TRAPPC9: variants seen among roughly 807,000 people sequenced by gnomAD.
TRAPPC9 encodes the protein trafficking protein particle complex subunit 9.
A neutral mutation model predicts 124.0 loss-of-function variants in TRAPPC9; 83 were observed. The observed-to-expected ratio is 0.67, with a 90% CI of 0.56 to 0.80. The LOEUF (loss-of-function observed/expected upper bound fraction) is 0.80, where lower values mean the gene tolerates loss of function less well. TRAPPC9 is among the 30% of genes least tolerant of loss of function. The pLI, the probability that TRAPPC9 is intolerant of heterozygous loss-of-function variation, is 0.00. For missense variants in TRAPPC9, 1,302 were observed against 1,508.3 expected, an observed-to-expected ratio of 0.86 and a Z score of 2.27; for synonymous variants, 638 against 617.5, an observed-to-expected ratio of 1.03 and a Z score of -0.49.
chr8:140,363,056 G>A (rs1055171743), intron 8 of TRAPPC9, among the ~76,000 whole-genome samples: 1 of 152,184 alleles, frequency 6.6e-6, no homozygotes, highest in African/African-American at 2.4e-5. Context: ...CAATACTCTT[G>A]TAATCAAAAA....
chr8:139,878,621 A>G (rs547873459), intron 21 of TRAPPC9, among the ~76,000 whole-genome samples: 1 of 152,136 alleles, frequency 6.6e-6, no homozygotes, highest in Admixed American at 6.5e-5. Context: ...ATAACAACCT[A>G]AAGACCTCAC....
chr8:139,962,804 G>A, intron 19 of TRAPPC9, among the ~76,000 whole-genome samples: 1 of 80,858 alleles, frequency 1.2e-5, no homozygotes, highest in Admixed American at 1.4e-4. Context: ...TCCTTATAAT[G>A]GAGAGAGGGA....
At chr8:140,222,853 C>A (rs577279608) in intron 16 of TRAPPC9, among the ~76,000 whole-genome samples, 1 of 152,248 alleles carries the variant, frequency 6.6e-6, no homozygotes, top group African/African-American at 2.4e-5. Flanking sequence ...GAACAAACCA[C>A]CAGAGGCAAC....
At chr8:140,195,884 CATACA>C (rs2062647759) in intron 17 of TRAPPC9, among the ~76,000 whole-genome samples, 1 of 148,668 alleles carries the variant, frequency 6.7e-6, no homozygotes, top group African/African-American at 2.5e-5. Context: ...AACGATCCAC[CATACA>C]GATCACATCT....
chr8:140,455,676 G>A (rs184442785), intron 1 of TRAPPC9, among the ~76,000 whole-genome samples: 356 of 152,104 alleles, frequency 2.3e-3, no homozygotes, highest in Middle Eastern at 6.8e-3. Flanking sequence ...TGATCTGCCC[G>A]CCTCGGCCTC....
At chr8:140,140,667 A>G (rs1254772162) in intron 17 of TRAPPC9, among the ~76,000 whole-genome samples, 1 of 152,102 alleles carries the variant, frequency 6.6e-6, no homozygotes, top group Non-Finnish European at 1.5e-5. Flanking sequence ...ATCTTGCCAC[A>G]TTACCCACAT....
chr8:139,899,356 A>C (rs980452081), intron 20 of TRAPPC9, among the ~76,000 whole-genome samples: 11 of 152,194 alleles, frequency 7.2e-5, no homozygotes, highest in Admixed American at 5.9e-4. Flanking sequence ...TATGTATTAC[A>C]TACTATATTA....
chr8:139,877,883 G>C (rs1417785051), intron 21 of TRAPPC9, among the ~76,000 whole-genome samples: 1 of 152,182 alleles, frequency 6.6e-6, no homozygotes, highest in African/African-American at 2.4e-5. Context: ...CACCACGAGG[G>C]TGCAGCGGAG....
chr8:140,087,042 TC>T lies in TRAPPC9; in HGVS notation c.2557-62964del, dbSNP rs944923986. Among the ~76,000 whole-genome samples, 2 of 152,110 alleles carry T rather than the reference TC, an allele frequency of 1.3e-5. No homozygotes were observed. Among genetic ancestry groups the T allele is most frequent in the African/African-American group, 2.4e-5 (1 of 41,416 alleles). The stretch of plus-strand genomic sequence containing the variant: ...GCAAGCACTGCCTGCTCGGGCTGGC[TC>T]TACTTCTTGCCACCGTCAGCCTGCC... On this transcript the variant is annotated intron_variant, in intron 17 of 22. Coordinates refer to ENST00000438773, the MANE Select transcript of TRAPPC9 (RefSeq NM_001160372.4). The surrounding 1 kb of genome is among the most constrained non-coding windows in gnomAD (Gnocchi z 4.6).
intron 21 of TRAPPC9, among the ~76,000 whole-genome samples, chr8:139,764,631 G>A (rs1820463649): frequency 6.6e-6 from 1 of 152,166 alleles, no homozygotes; most frequent in African/African-American, 2.4e-5. Context: ...TTCAGAGCAT[G>A]CCTGTGTTCA....
intron 21 of TRAPPC9, among the ~76,000 whole-genome samples, chr8:139,822,522 G>A (rs1050483619): frequency 2.0e-5 from 3 of 152,138 alleles, no homozygotes; most frequent in Non-Finnish European, 4.4e-5. Context: ...CCTATTGTGC[G>A]GTTGAAAAGA....
chr8:140,178,207 C>T (rs1462616877), intron 17 of TRAPPC9, among the ~76,000 whole-genome samples: 1 of 152,088 alleles, frequency 6.6e-6, no homozygotes, highest in Non-Finnish European at 1.5e-5. Flanking sequence ...TTCTTACCGG[C>T]CTTAGGAGGA....
intron 16 of TRAPPC9, among the ~76,000 whole-genome samples, chr8:140,247,634 T>C (rs1412444300): frequency 1.3e-5 from 2 of 152,184 alleles, no homozygotes; most frequent in African/African-American, 4.8e-5. Context: ...TTGTTTCCGT[T>C]TCCTTCTCTG....
At chr8:140,300,353 G>A (rs573024888) in intron 11 of TRAPPC9, 116 bp downstream of exon 11, 96 of 1,343,596 alleles carry the variant, frequency 7.1e-5, no homozygotes, top group Admixed American at 6.8e-4. Flanking sequence ...ACACATCCAC[G>A]CACGCACACA....
chr8:139,895,936 G>C (rs1416785132), intron 20 of TRAPPC9, among the ~76,000 whole-genome samples: 1 of 152,238 alleles, frequency 6.6e-6, no homozygotes, highest in Non-Finnish European at 1.5e-5. Context: ...GGCCCGGCCA[G>C]GCTGAGAAGC....
rs1239573612 is a variant in TRAPPC9 at position 139,770,451 on chromosome 8, A to G, written c.3056-38249T>C. ...CACAATGGGAGTGTCATCTTAGTGA[A>G]GTTCTCCAGGCACGGGTTCACAAAG... On this transcript the variant is annotated intron_variant, in intron 21 of 22. Coordinates refer to ENST00000438773, the MANE Select transcript of TRAPPC9 (RefSeq NM_001160372.4). Among the ~76,000 whole-genome samples the G allele has an allele frequency of 2.0e-5, 3 of 152,232 alleles. No individual in the cohort carries two copies. In the East Asian group the frequency reaches 5.8e-4, roughly 29 times the overall value.
chr8:140,038,857 A>G (rs1357365787), intron 17 of TRAPPC9, among the ~76,000 whole-genome samples: 1 of 152,224 alleles, frequency 6.6e-6, no homozygotes, highest in South Asian at 2.1e-4. Context: ...CATAGGATGC[A>G]AGCCACAGCC....
chr8:139,875,799 C>A (rs144224995), intron 21 of TRAPPC9, among the ~76,000 whole-genome samples: 1,855 of 152,362 alleles, frequency 0.012, 40 homozygotes, highest in African/African-American at 0.042. Context: ...CCCCAGTGGG[C>A]GGAGGCTCCT....
intron 12 of TRAPPC9, among the ~76,000 whole-genome samples, chr8:140,288,154 C>T (rs1159322762): frequency 1.3e-5 from 2 of 152,156 alleles, no homozygotes; most frequent in African/African-American, 4.8e-5. Context: ...CCAACCTGGG[C>T]AACACAGTAA....
Sources: allele counts gnomAD v4.1 joint callset (sites outside exome capture counted in the v4.1 genomes callset), GRCh38; gene constraint gnomAD v4.1.1; non-coding constraint Gnocchi (gnomAD v3.1); transcripts MANE v1.5; gene names NCBI Gene and HGNC (gene_info 2026-07-23, HGNC 2026-07-21).